The following CNTN6 variants were observed in gnomAD, a reference collection of about 807,000 sequenced individuals.
The protein encoded by CNTN6 is contactin-6.
A neutral mutation model predicts 122.8 loss-of-function variants in CNTN6; 137 were observed. That is an observed-to-expected ratio of 1.12 (90% CI 0.97 to 1.29). The LOEUF (loss-of-function observed/expected upper bound fraction) is 1.29. Ranked by LOEUF, CNTN6 falls within the 50% of genes most tolerant of loss-of-function variation. The probability of loss-of-function intolerance (pLI) is 0.00; values close to 1 mark genes in which losing one functional copy is unlikely to be tolerated. For synonymous variants in CNTN6, 570 were observed against 426.0 expected, an observed-to-expected ratio of 1.34 and a Z score of -4.16; for missense variants, 1,634 against 1,223.4, an observed-to-expected ratio of 1.34 and a Z score of -5.01.
At chr3:1,360,258 G>T (rs900846356) in intron 12 of CNTN6, among the ~76,000 whole-genome samples, 2 of 152,000 alleles carry the variant, frequency 1.3e-5, no homozygotes, top group Non-Finnish European at 2.9e-5. Context: ...CTAATCTGTT[G>T]TTTGTGACAC....
chr3:1,139,228 C>T lies in CNTN6; in HGVS notation c.-82-8699C>T, dbSNP rs192579701. 3.2e-3 allele frequency among the ~76,000 whole-genome samples: 493 copies of T among 152,194 alleles called. 1 individual carries two copies. Among genetic ancestry groups the T allele is most frequent in the Admixed American group, 6.2e-3 (94 of 15,266 alleles). On this transcript the variant is annotated intron_variant, in intron 1 of 22. Coordinates refer to ENST00000446702, the MANE Select transcript of CNTN6 (RefSeq NM_001289080.2). ...TATTTGCTATCTAGTCCTTTATGGT[C>T]TTTTACAGAAAAGATTTCCCAATCT...
At chr3:1,402,297 T>C (rs773952821) in intron 21 of CNTN6, 21 bp from the exon 22 acceptor site, 1 of 1,595,430 alleles carries the variant, frequency 6.3e-7, no homozygotes, top group Admixed American at 1.7e-5. Context: ...CCATGTTAAC[T>C]TGATACCTCA....
At chr3:1,195,636 T>C (rs959171384) in intron 2 of CNTN6, among the ~76,000 whole-genome samples, 3 of 152,218 alleles carry the variant, frequency 2.0e-5, no homozygotes, top group Non-Finnish European at 2.9e-5. Context: ...ATTAAACTCA[T>C]AGCCTTTGTT....
At chr3:1,166,603 T>A (rs988480244) in intron 2 of CNTN6, among the ~76,000 whole-genome samples, 5 of 152,150 alleles carry the variant, frequency 3.3e-5, no homozygotes, top group African/African-American at 1.2e-4. Context: ...ACAGCACTTA[T>A]CTATCAGTAG....
chr3:1,352,371 G>C lies in CNTN6; in HGVS notation c.1412G>C (p.Arg471Thr), dbSNP rs763596062. 169 of 1,588,298 alleles carry C rather than the reference G, an allele frequency of 1.1e-4. 1 individual carries two copies. The East Asian group carries it at 3.8e-3, about 36-fold the overall frequency. The change falls in exon 12 of 23, where the codon AGG becomes ACG. Residue 471 changes from arginine (R) to threonine (T), a missense_variant. By Grantham distance (71) the Arg-to-Thr change is moderately conservative. Transcript: ENST00000446702. ...DGSLKIYNITRSDAGSYTCIA... is the reference protein window; with the variant it reads ...DGSLKIYNITTSDAGSYTCIA... ...AGCCTCAAGATATATAATATTACCA[G>C]GTCAGATGCTGGATCATATACATGC...
intron 8 of CNTN6, among the ~76,000 whole-genome samples, chr3:1,323,061 C>A (rs1454073113): frequency 6.6e-6 from 1 of 151,546 alleles, no homozygotes; most frequent in African/African-American, 2.4e-5. Flanking sequence ...AGGGATGAAC[C>A]AGAACACAAA....
intron 2 of CNTN6, among the ~76,000 whole-genome samples, chr3:1,182,500 CAT>C (rs780782556): frequency 9.9e-5 from 15 of 152,162 alleles, no homozygotes; most frequent in Non-Finnish European, 1.6e-4. Context: ...GGATGACAAA[CAT>C]GTAGTTATAG....
chr3:1,166,533 T>C (rs1252136067), intron 2 of CNTN6, among the ~76,000 whole-genome samples: 1 of 152,076 alleles, frequency 6.6e-6, no homozygotes, highest in Non-Finnish European at 1.5e-5. Flanking sequence ...TTTAAAATTG[T>C]TTTAAAGGAA....
rs916332898 is a variant in CNTN6, at chr3:1,174,764, T to C, written c.55+26701T>C. Among the ~76,000 whole-genome samples the C allele has an allele frequency of 1.1e-4, 16 of 152,150 alleles. No homozygotes were observed. In the East Asian group the frequency reaches 2.9e-3, roughly 27 times the overall value. On this transcript the variant is annotated intron_variant, in intron 2 of 22. Coordinates refer to ENST00000446702, the MANE Select transcript of CNTN6 (RefSeq NM_001289080.2). ...ATAGGAAGAACCCAATGAATAATAA[T>C]GCTAAATTGATATGCCAAGCACTGT... is the stretch of plus-strand genomic sequence containing the variant.
At chr3:1,257,541 TC>T (rs1559630787) in intron 4 of CNTN6, among the ~76,000 whole-genome samples, 1 of 152,108 alleles carries the variant, frequency 6.6e-6, no homozygotes, top group Non-Finnish European at 1.5e-5. Context: ...CAACCTTGCT[TC>T]CCCACCCCTG....
At chr3:1,283,646 A>G (rs1693849864) in intron 5 of CNTN6, among the ~76,000 whole-genome samples, 2 of 151,446 alleles carry the variant, frequency 1.3e-5, no homozygotes, top group Admixed American at 6.6e-5. Context: ...CCCCTTCACT[A>G]TGTAGTAATA....
At chr3:1,159,875 C>G (rs1442293791) in intron 2 of CNTN6, among the ~76,000 whole-genome samples, 3 of 151,990 alleles carry the variant, frequency 2.0e-5, no homozygotes, top group Non-Finnish European at 4.4e-5. Flanking sequence ...GGCTGGAGTA[C>G]AGTGGCGCGG....
At chr3:1,392,471 A>G (rs1288500946) in intron 20 of CNTN6, among the ~76,000 whole-genome samples, 39 of 152,102 alleles carry the variant, frequency 2.6e-4, no homozygotes, top group Admixed American at 2.6e-3. Flanking sequence ...AAACCTAGGC[A>G]TTACCATTCA....
chr3:1,220,571 GA>G (rs1415251388), intron 2 of CNTN6, 115 bp from the exon 3 acceptor site: 3 of 943,052 alleles, frequency 3.2e-6, no homozygotes, highest in Non-Finnish European at 4.3e-6. Context: ...GTGAATTTGA[GA>G]TTGTTTTAAA....
chr3:1,137,151 G>A (rs932256642), intron 1 of CNTN6, among the ~76,000 whole-genome samples: 2 of 152,132 alleles, frequency 1.3e-5, no homozygotes, highest in African/African-American at 2.4e-5. Flanking sequence ...ATAGTGTAGA[G>A]ATGGTATACA....
chr3:1,150,031 T>C (rs1415399234), intron 2 of CNTN6, among the ~76,000 whole-genome samples: 1 of 151,626 alleles, frequency 6.6e-6, no homozygotes. Context: ...GGTGCACAAT[T>C]TCATTGTGAA....
At chr3:1,140,325 T>A (rs1339440730) in intron 1 of CNTN6, among the ~76,000 whole-genome samples, 1 of 152,192 alleles carries the variant, frequency 6.6e-6, no homozygotes, top group Non-Finnish European at 1.5e-5. Flanking sequence ...GCTTTGGTGA[T>A]GTGTGCAGTG....
intron 4 of CNTN6, among the ~76,000 whole-genome samples, chr3:1,248,723 T>C (rs929113742): frequency 1.3e-5 from 2 of 151,892 alleles, no homozygotes; most frequent in Non-Finnish European, 2.9e-5. Flanking sequence ...GGGAGGCTGA[T>C]GCAGGAGGAT....
At chr3:1,334,776 AT>A (rs1376766442) in intron 11 of CNTN6, among the ~76,000 whole-genome samples, 1 of 152,162 alleles carries the variant, frequency 6.6e-6, no homozygotes, top group African/African-American at 2.4e-5. Flanking sequence ...CAAACCTGGA[AT>A]ATAGCACACA....
Sources: allele counts gnomAD v4.1 joint callset (sites outside exome capture counted in the v4.1 genomes callset), GRCh38; gene constraint gnomAD v4.1.1; transcripts MANE v1.5; gene names NCBI Gene and HGNC (gene_info 2026-07-23, HGNC 2026-07-21).